The following PFKL variants were observed in gnomAD, a reference collection of about 807,000 sequenced individuals.
The protein encoded by PFKL is phosphofructokinase, liver type.
In PFKL, 74 loss-of-function variants were observed where a neutral mutation model predicts 92.1. The ratio of observed to expected loss-of-function variants is 0.80; its 90% CI spans 0.67 to 0.97. The LOEUF is 0.97. PFKL is among the 50% of genes least tolerant of loss of function. The probability of loss-of-function intolerance (pLI) is 0.00; values close to 1 mark genes in which losing one functional copy is unlikely to be tolerated. For missense variants in PFKL, 1,028 were observed against 1,116.6 expected (o/e 0.92, Z 1.13); for synonymous variants, 494 against 456.4 (o/e 1.08, Z -1.05).
chr21:44,325,877 C>T (rs1315127320), intron 19 of PFKL, 84 bp from the exon 20 acceptor site: 57 of 965,466 alleles, frequency 5.9e-5, no homozygotes, highest in East Asian at 3.6e-4. Context: ...GGAGGCTCCC[C>T]GTGGGGATCC....
At position 44,314,076 on chromosome 21, in the gene PFKL, G is replaced by A. The variant is rs536231168; in HGVS notation, c.747+55G>A. 18 of 1,274,140 alleles carry A rather than the reference G, an allele frequency of 1.4e-5. 1 individual carries two copies. Among genetic ancestry groups the A allele is most frequent in the Middle Eastern group, 3.7e-4 (2 of 5,412 alleles). The allele number at this position is 1,274,140 out of a possible 1,614,324, so 78.9% of individuals were successfully genotyped here. On this transcript the variant is annotated intron_variant, in intron 7 of 21. Transcript: ENST00000349048. The stretch of plus-strand genomic sequence containing the variant: ...CAGGTGTCCTGGTGCACTGGGTAGC[G>A]CCCCTGGGGTTTTGGGACCAGCCTT...
rs1269493512 is a variant in PFKL, at chr21:44,324,480, T to C, written c.1651-11T>C. On this transcript the variant is annotated splice_polypyrimidine_tract_variant and intron_variant, in intron 16 of 21. Transcript: ENST00000349048. ...CACGTGGAGGACCCCCGACCCCCCC[T>C]TGTCCCCCAGAGCTGTGACCGCATC... The C allele has an allele frequency of 1.9e-6, 3 of 1,612,592 alleles. No individual in the cohort carries two copies. Among genetic ancestry groups the C allele is most frequent in the Non-Finnish European group, 1.7e-6 (2 of 1,179,536 alleles).
In PFKL at chr21:44,312,098, T is replaced by TA; in HGVS notation, c.238-7_238-6insA. 1 of 1,485,510 alleles carries TA rather than the reference T, an allele frequency of 6.7e-7. No individual in the cohort carries two copies. The highest frequency in any genetic ancestry group is 8.9e-7 in the Non-Finnish European group (1 of 1,117,448). 92.0% of individuals were successfully genotyped at this position (1,485,510 alleles called of 1,614,324 possible). ...CTCTCCTGAAGTTTCTGGTCTCCTC[T>TA]GTGCAGGGCGGCACTATCATTGGCA... is the stretch of plus-strand genomic sequence containing the variant. On this transcript the variant is annotated splice_region_variant and splice_polypyrimidine_tract_variant and intron_variant, in intron 3 of 21. Transcript: ENST00000349048.
intron 1 of PFKL, among the ~76,000 whole-genome samples, chr21:44,303,240 AAAC>A (rs1178304970): frequency 1.6e-5 from 2 of 126,554 alleles, no homozygotes; most frequent in Admixed American, 7.8e-5. Flanking sequence ...TGCAAAAAAC[AAAC>A]AAGAAAAAAC....
chr21:44,318,720 C>T, intron 10 of PFKL, 125 bp downstream of exon 10: 1 of 702,930 alleles, frequency 1.4e-6, no homozygotes, highest in Non-Finnish European at 2.1e-6. Flanking sequence ...CGTGGCTGGC[C>T]CAGGGCATCC....
chr21:44,305,964 G>A lies in PFKL; in HGVS notation c.86-717G>A, dbSNP rs776101673. The A allele has an allele frequency of 4.6e-6, 6 of 1,307,188 alleles. No individual in the cohort carries two copies. In the East Asian group the frequency reaches 1.6e-4, roughly 35 times the overall value. 81.0% of individuals were successfully genotyped at this position (1,307,188 alleles called of 1,614,324 possible). On this transcript the variant is annotated intron_variant, in intron 1 of 21. Transcript: ENST00000349048. ...AGGGTCCCTGAGGCCCTGGGGCAGG[G>A]CAGTGCTGTTCCCTGGGTGGCTGAG...
At chr21:44,320,261 T>A in intron 12 of PFKL, 114 bp downstream of exon 12, 1 of 871,198 alleles carries the variant, frequency 1.1e-6, no homozygotes, top group Non-Finnish European at 1.8e-6. Context: ...CCTGCTGGGG[T>A]CCGAGCTGTG....
At chr21:44,310,169 A>C (rs2041074198) in intron 2 of PFKL, among the ~76,000 whole-genome samples, 1 of 152,206 alleles carries the variant, frequency 6.6e-6, no homozygotes, top group Non-Finnish European at 1.5e-5. Flanking sequence ...CCACACCCTT[A>C]GTGAAATGCA....
In PFKL at chr21:44,303,441, A is replaced by AAAAAAAAAAAAAAACTTGATCG. The variant is rs1555874972; in HGVS notation, c.86-3226_86-3225insCTTGATCGAAAAAAAAAAAAAA. 7.2e-5 allele frequency among the ~76,000 whole-genome samples: 7 copies of AAAAAAAAAAAAAAACTTGATCG among 97,096 alleles called. 1 individual carries two copies. Among genetic ancestry groups the AAAAAAAAAAAAAAACTTGATCG allele is most frequent in the Admixed American group, 2.2e-4 (2 of 8,950 alleles). 63.7% of individuals were successfully genotyped at this position (97,096 alleles called of 152,430 possible). Reference sequence around the variant, plus strand: ...AAAAAAACAGACTTGACCAAAAAAAAAAAAAAAAAAAAAATGGCCCGGCCT... The same window carrying AAAAAAAAAAAAAAACTTGATCG: ...AAAAAAACAGACTTGACCAAAAAAAAAAAAAAAAAAAAAACTTGATCGAAAAAAAAAAAAAATGGCCCGGCCT... On this transcript the variant is annotated intron_variant, in intron 1 of 21. Coordinates refer to ENST00000349048, the MANE Select transcript of PFKL (RefSeq NM_002626.6).
chr21:44,318,372 G>C, intron 9 of PFKL, 98 bp from the exon 10 acceptor site: 1 of 1,285,612 alleles, frequency 7.8e-7, no homozygotes, highest in Non-Finnish European at 1.0e-6. Context: ...CAGCGTGGGG[G>C]GCTCTGGAAG....
At position 44,325,982 on chromosome 21, in the gene PFKL, G is replaced by T. The variant is rs1173435241; in HGVS notation, c.2011G>T (p.Asp671Tyr). Residue 671 changes from aspartate to tyrosine, a missense_variant, in exon 20 of 22, where the codon GAC becomes TAC. By Grantham distance (160) the Asp-to-Tyr change is radical (BLOSUM62 -3). Transcript: ENST00000349048. ...CCAGGGTGGCGCTCCAACCCCCTTT[G>T]ACCGGAACTATGGGACCAAGCTGGG... ...LQQGGAPTPF[D>Y]RNYGTKLGVK... is the part of the protein sequence containing the mutation. 1 of 1,613,724 alleles carries T rather than the reference G, an allele frequency of 6.2e-7. No individual in the cohort carries two copies.
chr21:44,305,746 C>T, intron 1 of PFKL: 2 of 1,355,152 alleles, frequency 1.5e-6, no homozygotes, highest in East Asian at 4.6e-5. Context: ...GTGTGGGGTA[C>T]ATTAGCACCA....
chr21:44,308,930 G>A (rs1398180559), intron 2 of PFKL, among the ~76,000 whole-genome samples: 1 of 152,166 alleles, frequency 6.6e-6, no homozygotes, highest in Non-Finnish European at 1.5e-5. Context: ...ACCTGCCCAA[G>A]TGTGTTGGCA....
intron 2 of PFKL, among the ~76,000 whole-genome samples, chr21:44,310,050 C>T (rs775833311): frequency 5.3e-5 from 8 of 152,244 alleles, no homozygotes; most frequent in Non-Finnish European, 1.0e-4. Context: ...AGCTGGCATC[C>T]GCCCTGGCCG....
chr21:44,316,505 C>T lies in PFKL; in HGVS notation c.917C>T (p.Ser306Phe). 1 of 1,601,454 alleles carries T rather than the reference C, an allele frequency of 6.2e-7. No individual in the cohort carries two copies. The highest frequency in any genetic ancestry group is 8.5e-7 in the Non-Finnish European group (1 of 1,172,348). ...CACGTGCAGCGGGGAGGGACGCCCTCTGCCTTCGACCGGATCCTGGTAAGT... is the reference window on the plus strand; with the variant it reads ...CACGTGCAGCGGGGAGGGACGCCCTTTGCCTTCGACCGGATCCTGGTAAGT... ...LGHVQRGGTP[S>F]AFDRILSSKM... Residue 306 changes from serine to phenylalanine, a missense_variant, in exon 9 of 22, where the codon TCT (serine) becomes TTT (phenylalanine). Coordinates refer to ENST00000349048, the MANE Select transcript of PFKL (RefSeq NM_002626.6).
At chr21:44,302,752 T>C (rs537624251) in intron 1 of PFKL, among the ~76,000 whole-genome samples, 2 of 152,256 alleles carry the variant, frequency 1.3e-5, no homozygotes, top group South Asian at 4.1e-4. Context: ...TGATTTCCCC[T>C]TCTGTGAAAG....
chr21:44,322,963 A>G lies in PFKL; in HGVS notation c.1411A>G (p.Thr471Ala). 6.2e-7 allele frequency: 1 copy of G among 1,610,148 alleles called. No homozygotes were observed. Among genetic ancestry groups the G allele is most frequent in the Non-Finnish European group, 8.5e-7 (1 of 1,177,664 alleles). ...RGGSMLGTKRTLPKGQLESIV... is the reference protein window; with the variant it reads ...RGGSMLGTKRALPKGQLESIV... The stretch of plus-strand genomic sequence containing the variant: ...ATGCGGATGTGTCTTTGACTGCAGG[A>G]CCCTGCCCAAGGGCCAGCTGGAGTC... The change falls in exon 15 of 22, where the codon ACC (threonine) becomes GCC (alanine). Residue 471 changes from threonine to alanine, a missense_variant and splice_region_variant. By Grantham distance (58) the Thr-to-Ala change is moderately conservative (BLOSUM62 0). Transcript: ENST00000349048.
intron 5 of PFKL, 122 bp downstream of exon 5, chr21:44,313,265 C>A: frequency 9.4e-7 from 1 of 1,067,758 alleles, no homozygotes; most frequent in Non-Finnish European, 1.4e-6. Context: ...GCATCCAGGC[C>A]AGCCGCCCTC....
At chr21:44,313,329 C>T (rs1191211985) in intron 5 of PFKL, among the ~76,000 whole-genome samples, 186 bp downstream of exon 5, 18 of 152,208 alleles carry the variant, frequency 1.2e-4, no homozygotes, top group East Asian at 3.9e-4. Context: ...TGCCAGGCCG[C>T]GGGGGGCCTT....
Sources: gnomAD v4.1 joint callset for allele counts (sites outside exome capture counted in the v4.1 genomes callset) on GRCh38, gnomAD v4.1.1 for gene constraint, MANE v1.5 for transcripts, NCBI Gene and HGNC (gene_info 2026-07-23, HGNC 2026-07-21) for gene names.